Variants in TENM1 observed in about 807,000 individuals in gnomAD.
TENM1 encodes the protein teneurin transmembrane protein 1, also known as teneurin-1.
TENM1 carries 35 observed loss-of-function variants against 174.8 expected under a neutral mutation model. The ratio of observed to expected loss-of-function variants is 0.20; its 90% CI spans 0.15 to 0.27. The LOEUF is 0.27. Among genes scored for constraint, TENM1 ranks in the 10% least tolerant of loss-of-function variants. TENM1 has a pLI of 1.00. For synonymous variants in TENM1, 781 were observed against 798.7 expected (o/e 0.98, Z 0.37); for missense variants, 1,633 against 2,130.1 (o/e 0.77, Z 4.59).
At chrX:124,876,111 T>G (rs2057196033) in intron 3 of TENM1, among the ~76,000 whole-genome samples, 1 of 110,589 alleles carries the variant, frequency 9.0e-6, no homozygotes, top group Admixed American at 9.7e-5. Context: ...TATGTATCCT[T>G]ATTGTGCCTT....
At chrX:124,955,609 C>T (rs2147794188) in intron 1 of TENM1, among the ~76,000 whole-genome samples, 1 of 110,958 alleles carries the variant, frequency 9.0e-6, no homozygotes, top group South Asian at 3.8e-4. Flanking sequence ...TATGTATTTT[C>T]ACTGGTCATC....
At chrX:125,104,631 T>G in the TENM1 span, among the ~76,000 whole-genome samples, 5 of 64,603 alleles carry the variant, frequency 7.7e-5, no homozygotes, top group Non-Finnish European at 1.4e-4. Flanking sequence ...GGGAAGAGCC[T>G]TTTTTTTTAA....
At chrX:124,645,873 G>A (rs1167206825) in intron 9 of TENM1, among the ~76,000 whole-genome samples, 1 of 111,188 alleles carries the variant, frequency 9.0e-6, no homozygotes, top group Non-Finnish European at 1.9e-5. Context: ...TTGAGGACAA[G>A]GCCTGTATTT....
chrX:125,051,041 T>C, the TENM1 span, among the ~76,000 whole-genome samples: 1 of 111,363 alleles, frequency 9.0e-6, no homozygotes, highest in Non-Finnish European at 1.9e-5. Flanking sequence ...ACAAGCATTC[T>C]TATACACCAA....
the TENM1 span, among the ~76,000 whole-genome samples, chrX:125,185,808 G>T: frequency 8.9e-6 from 1 of 112,154 alleles, no homozygotes; most frequent in Non-Finnish European, 1.9e-5. Flanking sequence ...TGTGGGGTAG[G>T]GTTGGAAGTG....
intron 3 of TENM1, among the ~76,000 whole-genome samples, chrX:124,825,185 C>T (rs1443469032): frequency 4.5e-5 from 3 of 66,533 alleles, no homozygotes; most frequent in Non-Finnish European, 8.0e-5. Context: ...TTTTTTTTGA[C>T]GGAGTCTCAC....
At chrX:124,735,436 A>G (rs1471822184) in intron 4 of TENM1, among the ~76,000 whole-genome samples, 2 of 112,077 alleles carry the variant, frequency 1.8e-5, no homozygotes, top group Non-Finnish European at 3.8e-5. Flanking sequence ...CTATTATTAA[A>G]AAGTCAAAAA....
At chrX:124,565,551 G>A (rs1334733475) in exon 12 of TENM1, 2 of 1,184,521 alleles carry the variant, frequency 1.7e-6, no homozygotes, top group African/African-American at 1.8e-5. Flanking sequence ...ACACTCCATG[G>A]TACACAGCTC....
the TENM1 span, among the ~76,000 whole-genome samples, chrX:125,160,949 A>C: frequency 9.2e-6 from 1 of 108,520 alleles, no homozygotes; most frequent in African/African-American, 3.4e-5. Flanking sequence ...TATATACCCC[A>C]AAAAACTGAA....
chrX:125,193,283 A>G, the TENM1 span, among the ~76,000 whole-genome samples: 1 of 112,931 alleles, frequency 8.9e-6, no homozygotes, highest in African/African-American at 3.2e-5. Flanking sequence ...AATCAAAAAT[A>G]TTTGGAAAAT....
the TENM1 span, among the ~76,000 whole-genome samples, chrX:125,189,323 A>C: frequency 1.8e-5 from 2 of 112,397 alleles, no homozygotes; most frequent in Middle Eastern, 4.6e-3. Flanking sequence ...ATTTCCAAAA[A>C]ATAAACTGTT....
intron 3 of TENM1, among the ~76,000 whole-genome samples, chrX:124,842,148 T>C (rs757414711): frequency 9.0e-6 from 1 of 111,704 alleles, no homozygotes; most frequent in South Asian, 3.8e-4. Flanking sequence ...CCCCTTGGGA[T>C]TTCTGTGCTC....
At chrX:124,633,695 A>G (rs1201470269) in intron 11 of TENM1, among the ~76,000 whole-genome samples, 2 of 110,920 alleles carry the variant, frequency 1.8e-5, no homozygotes, top group Non-Finnish European at 3.8e-5. Flanking sequence ...TTGTGGTTCA[A>G]TTTCTACTTT....
At chrX:124,967,598 C>G (rs1351696585), upstream of TENM1, among the ~76,000 whole-genome samples, 2 of 111,494 alleles carry the variant, frequency 1.8e-5, no homozygotes, top group African/African-American at 6.5e-5. Context: ...TATTTCCTCC[C>G]TCCCAAAATG....
At chrX:124,627,295 T>C (rs1040141877) in intron 11 of TENM1, among the ~76,000 whole-genome samples, 6 of 111,700 alleles carry the variant, frequency 5.4e-5, no homozygotes, top group African/African-American at 2.0e-4. Context: ...TTGATAAGAA[T>C]GATGGGCAGA....
chrX:124,812,451 T>C (rs1431028083), intron 3 of TENM1, among the ~76,000 whole-genome samples: 2 of 111,670 alleles, frequency 1.8e-5, no homozygotes, highest in African/African-American at 3.2e-5. Flanking sequence ...TATAGATCCA[T>C]GCAACTCTAA....
exon 15 of TENM1, chrX:124,546,912 A>G: frequency 8.3e-7 from 1 of 1,211,070 alleles, no homozygotes; most frequent in Non-Finnish European, 1.1e-6. Flanking sequence ...TGACATGAGT[A>G]CTGTCCTTGC....
intron 5 of TENM1, among the ~76,000 whole-genome samples, chrX:124,692,676 T>G (rs974931838): frequency 2.7e-5 from 3 of 109,187 alleles, no homozygotes; most frequent in Non-Finnish European, 5.7e-5. Context: ...ATAACTGGTT[T>G]GAATAAAATC....
chrX:125,054,695 G>A, the TENM1 span, among the ~76,000 whole-genome samples: 7,080 of 111,511 alleles, frequency 0.063, 579 homozygotes, highest in African/African-American at 0.22. Context: ...AGGTGGAAGT[G>A]TTTTTGTTTC....
Sources: gnomAD v4.1 joint callset for allele counts (sites outside exome capture counted in the v4.1 genomes callset) on GRCh38, gnomAD v4.1.1 for gene constraint, MANE v1.5 for transcripts, NCBI Gene and HGNC (gene_info 2026-07-23, HGNC 2026-07-21) for gene names.